Variants in FKBP8 observed in about 807,000 individuals in gnomAD.
FKBP8 encodes the protein peptidyl-prolyl cis-trans isomerase FKBP8.
FKBP8 carries 5 observed loss-of-function variants against 41.7 expected under a neutral mutation model. The ratio of observed to expected loss-of-function variants is 0.12; its 90% CI spans 0.06 to 0.25. FKBP8 has a LOEUF of 0.25. FKBP8 is among the 10% of genes least tolerant of loss of function. The probability of loss-of-function intolerance (pLI) is 1.00; values close to 1 mark genes in which losing one functional copy is unlikely to be tolerated. For synonymous variants in FKBP8, 279 were observed against 254.5 expected (o/e 1.10, Z -0.92); for missense variants, 397 against 563.0 (o/e 0.71, Z 2.98).
chr19:18,541,021 A>G (rs548969502), intron 2 of FKBP8, among the ~76,000 whole-genome samples: 33 of 152,270 alleles, frequency 2.2e-4, no homozygotes, highest in African/African-American at 7.9e-4. Flanking sequence ...TATTATTTGC[A>G]TGGGCACCAG....
intron 6 of FKBP8, 29 bp from the exon 7 acceptor site, chr19:18,533,376 TG>T: frequency 6.4e-7 from 1 of 1,565,572 alleles, no homozygotes; most frequent in Non-Finnish European, 8.7e-7. Context: ...GGCATCACTC[TG>T]GACCCATACC....
intron 2 of FKBP8, among the ~76,000 whole-genome samples, chr19:18,541,133 TGGGGGGAACATGTG>T (rs886657510): frequency 6.6e-6 from 1 of 151,660 alleles, no homozygotes; most frequent in Non-Finnish European, 1.5e-5. Context: ...TGGGGTATGT[TGGGGGGAACATGTG>T]GGGGCTCATG....
At chr19:18,534,256 G>A (rs550980158) in intron 6 of FKBP8, among the ~76,000 whole-genome samples, 2 of 152,122 alleles carry the variant, frequency 1.3e-5, no homozygotes, top group African/African-American at 4.8e-5. Flanking sequence ...GCAGTGAGCC[G>A]AGATCACGCC....
chr19:18,537,777 T>C lies in FKBP8; in HGVS notation c.773-4A>G. 6.2e-7 allele frequency: 1 copy of C among 1,603,310 alleles called. No individual in the cohort carries two copies. Among genetic ancestry groups the C allele is most frequent in the Non-Finnish European group, 8.5e-7 (1 of 1,172,378 alleles). ...TCCTCCTCGAACGTCATGTCCACTATTGGGAGACAGTGCCCGCCACGGCAG... is the reference window on the plus strand; with the variant it reads ...TCCTCCTCGAACGTCATGTCCACTACTGGGAGACAGTGCCCGCCACGGCAG... On this transcript the variant is annotated splice_polypyrimidine_tract_variant and splice_region_variant and intron_variant, in intron 5 of 8. Transcript: ENST00000608443. The surrounding 1 kb of genome is among the most constrained non-coding windows in gnomAD (Gnocchi z 4.4).
Position 18,539,464 on chromosome 19 carries a change from G to T in FKBP8, c.463-5C>A, listed in dbSNP as rs369920688. On this transcript the variant is annotated splice_polypyrimidine_tract_variant and splice_region_variant and intron_variant, in intron 3 of 8. Coordinates refer to ENST00000608443, the MANE Select transcript of FKBP8 (RefSeq NM_012181.5). ...TGGGACACTGAGATCCAGGGCCTGG[G>T]GTGTGTGGGGATAGCCAGCTGTCAG... The T allele has an allele frequency of 1.2e-6, 2 of 1,613,428 alleles. No individual in the cohort carries two copies. The highest frequency in any genetic ancestry group is 2.2e-5 in the South Asian group (2 of 91,070).
chr19:18,533,239 G>A, intron 7 of FKBP8, 31 bp downstream of exon 7: 1 of 1,533,936 alleles, frequency 6.5e-7, no homozygotes. Context: ...TCCCAGCCGA[G>A]CAAGTCCCAG....
intron 2 of FKBP8, among the ~76,000 whole-genome samples, chr19:18,540,793 A>T (rs1413023680): frequency 6.6e-6 from 1 of 151,552 alleles, no homozygotes. Flanking sequence ...AATCGCTTGA[A>T]CCTGGGAGGC....
Position 18,537,612 on chromosome 19 carries a change from G to T in FKBP8, c.934C>A (p.Arg312Ser). 6.3e-7 allele frequency: 1 copy of T among 1,598,278 alleles called. No homozygotes were observed. Residue 312 changes from arginine (R) to serine (S), a missense_variant, in exon 6 of 9, where the codon CGC becomes AGC. Around this residue, in one of 2 missense-constraint regions of FKBP8, gnomAD observed 225 missense variants for 366.8 expected, o/e 0.61. Coordinates refer to ENST00000608443, the MANE Select transcript of FKBP8 (RefSeq NM_012181.5). The surrounding 1 kb of genome is among the most constrained non-coding windows in gnomAD (Gnocchi z 4.4). ...HQPDNIKALF[R>S]KGKVLAQQGE... ...CCGGTGTGGCCTACCTTGCCCTTGCGGAAGAGAGCCTTGATGTTGTCTGGC... is the reference window on the plus strand; with the variant it reads ...CCGGTGTGGCCTACCTTGCCCTTGCTGAAGAGAGCCTTGATGTTGTCTGGC...
chr19:18,536,381 C>T (rs1451691636), intron 6 of FKBP8, among the ~76,000 whole-genome samples: 1 of 152,166 alleles, frequency 6.6e-6, no homozygotes, highest in Non-Finnish European at 1.5e-5. Context: ...GTTTTTGACA[C>T]AGGGTCTTGC....
chr19:18,532,378 A>G, intron 8 of FKBP8, 123 bp from the exon 9 acceptor site: 1 of 1,064,424 alleles, frequency 9.4e-7, no homozygotes, highest in South Asian at 1.4e-5. Context: ...TGTATTTCCC[A>G]CTTCCTGGCA....
intron 4 of FKBP8, among the ~76,000 whole-genome samples, chr19:18,539,116 C>T (rs558269884): frequency 2.0e-5 from 3 of 152,200 alleles, no homozygotes; most frequent in South Asian, 4.2e-4. Context: ...GCCCGGCCCA[C>T]ACCCAGCTAA....
chr19:18,542,503 A>C (rs1976727698), intron 1 of FKBP8: 1 of 179,848 alleles, frequency 5.6e-6, no homozygotes, highest in Admixed American at 5.7e-5. Flanking sequence ...GGGAAATTGA[A>C]TCTTTTACCA....
chr19:18,541,818 C>T lies in FKBP8; in HGVS notation c.153G>A (p.Glu51=). Residue 51 remains glutamate (E), a synonymous_variant, in exon 2 of 9, where the codon GAG becomes GAA. Coordinates refer to ENST00000608443, the MANE Select transcript of FKBP8 (RefSeq NM_012181.5). ...GTCCCATGTCCTCCAGCGGTGGCAG[C>T]TCACTCAGGTCATCCTCTTCCTCCT... ...EEEEEEDDLS[E]LPPLEDMGQP... 6.2e-7 allele frequency: 1 copy of T among 1,613,752 alleles called. No homozygotes were observed. The highest frequency in any genetic ancestry group is 2.2e-5 in the East Asian group (1 of 44,878).
rs1382176480 is a variant in FKBP8, at chr19:18,531,846, G to C, written c.*323C>G. On this transcript the variant is annotated 3_prime_UTR_variant, in exon 9 of 9. Transcript: ENST00000608443. The stretch of plus-strand genomic sequence containing the variant: ...AGGCGGGGTGGGGGGCTGGCACTCA[G>C]GCGGGGACTAGGCAGGGGAAGGGCT... The C allele has an allele frequency of 3.0e-6, 1 of 330,464 alleles. No homozygotes were observed. The highest frequency in any genetic ancestry group is 5.8e-6 in the Non-Finnish European group (1 of 173,060). The allele number at this position is 330,464 out of a possible 1,614,324, so 20.5% of individuals were successfully genotyped here.
At position 18,541,725 on chromosome 19, in the gene FKBP8, G is replaced by GGGCTCC. The variant is rs1976706136; in HGVS notation, c.240_245dup (p.Glu83_Pro84dup). The stretch of plus-strand genomic sequence containing the variant: ...CTGGGGCCGGGGCTGGGGCGGGCTC[G>GGGCTCC]GGCTCCATGGCAGCAAGGAACTCTC... On this transcript the variant is annotated inframe_insertion, in exon 2 of 9. Transcript: ENST00000608443. 6.2e-7 allele frequency: 1 copy of GGGCTCC among 1,613,334 alleles called. No individual in the cohort carries two copies. The highest frequency in any genetic ancestry group is 8.5e-7 in the Non-Finnish European group (1 of 1,179,636).
Position 18,533,375 on chromosome 19 carries a change from C to T in FKBP8, c.946-28G>A, listed in dbSNP as rs201913980. On this transcript the variant is annotated intron_variant, in intron 6 of 8. Coordinates refer to ENST00000608443, the MANE Select transcript of FKBP8 (RefSeq NM_012181.5). Reference sequence around the variant, plus strand: ...GTAAGGGGAAGGGGGTGGCATCACTCTGGACCCATACCTGGGCCTGTCCTT... The same window carrying T: ...GTAAGGGGAAGGGGGTGGCATCACTTTGGACCCATACCTGGGCCTGTCCTT... 2.1e-3 allele frequency: 3,215 copies of T among 1,566,296 alleles called. 6 individuals are homozygous for T. The highest frequency in any genetic ancestry group is 2.5e-3 in the Non-Finnish European group (2,864 of 1,150,332).
rs1976635012 is a variant in FKBP8, at chr19:18,538,678, C to T, written c.552-242G>A. On this transcript the variant is annotated intron_variant, in intron 4 of 8. Coordinates refer to ENST00000608443, the MANE Select transcript of FKBP8 (RefSeq NM_012181.5). The surrounding 1 kb of genome is among the most constrained non-coding windows in gnomAD (Gnocchi z 4.0). ...TCCTTTTTATTAAGAGACAGGTTCT[C>T]ACTCTGTTGCCCGGGCTGGAGTGCA... is the stretch of plus-strand genomic sequence containing the variant. 6.6e-6 allele frequency among the ~76,000 whole-genome samples: 1 copy of T among 152,180 alleles called. No homozygotes were observed. Among genetic ancestry groups the T allele is most frequent in the African/African-American group, 2.4e-5 (1 of 41,440 alleles).
chr19:18,531,824 C>A lies in FKBP8; in HGVS notation c.*345G>T, dbSNP rs938725450. The A allele has an allele frequency of 7.9e-6, 1 of 126,874 alleles. No homozygotes were observed. The highest frequency in any genetic ancestry group is 1.5e-4 in the African/African-American group (1 of 6,708). 7.9% of individuals were successfully genotyped at this position (126,874 alleles called of 1,614,324 possible). On this transcript the variant is annotated 3_prime_UTR_variant, in exon 9 of 9. Coordinates refer to ENST00000608443, the MANE Select transcript of FKBP8 (RefSeq NM_012181.5). ...GGGAACCTGGACAGGGGGCGGCAGG[C>A]GGGGTGGGGGGCTGGCACTCAGGCG... is the stretch of plus-strand genomic sequence containing the variant.
chr19:18,541,528 T>A lies in FKBP8; in HGVS notation c.292+151A>T, dbSNP rs561285464. ...TGTGTGAGTCAGTGGATAGAGTACA[T>A]CAATGTGAAGCATCTCCAGTAGTTG... On this transcript the variant is annotated intron_variant, in intron 2 of 8. Transcript: ENST00000608443. 2.6e-5 allele frequency: 28 copies of A among 1,089,850 alleles called. No homozygotes were observed. In the African/African-American group the frequency reaches 4.0e-4, roughly 15 times the overall value. 67.5% of individuals were successfully genotyped at this position (1,089,850 alleles called of 1,614,324 possible).
Sources: allele counts gnomAD v4.1 joint callset (sites outside exome capture counted in the v4.1 genomes callset), GRCh38; gene constraint gnomAD v4.1.1; regional missense constraint gnomAD v4.1.1; non-coding constraint Gnocchi (gnomAD v3.1); transcripts MANE v1.5; gene names NCBI Gene and HGNC (gene_info 2026-07-23, HGNC 2026-07-21).